ZNF407: variants seen among roughly 807,000 people sequenced by gnomAD.
ZNF407 encodes zinc finger protein 407.
Under a neutral mutation model 131.2 loss-of-function variants are expected in ZNF407, and 17 were observed. That is an observed-to-expected ratio of 0.13 (90% CI 0.09 to 0.19). The LOEUF (loss-of-function observed/expected upper bound fraction) is 0.19. Among genes scored for constraint, ZNF407 ranks in the 10% least tolerant of loss-of-function variants. The pLI, the probability that ZNF407 is intolerant of heterozygous loss-of-function variation, is 1.00. For synonymous variants in ZNF407, 1,156 were observed against 1,062.0 expected, an observed-to-expected ratio of 1.09 and a Z score of -1.72; for missense variants, 2,681 against 2,830.6, an observed-to-expected ratio of 0.95 and a Z score of 1.20.
intron 4 of ZNF407, among the ~76,000 whole-genome samples, chr18:74,784,635 A>G (rs1969670235): frequency 1.3e-5 from 2 of 152,244 alleles, no homozygotes; most frequent in Non-Finnish European, 2.9e-5. Context: ...CTTAAATTCA[A>G]ACAATTACAT....
intron 3 of ZNF407, among the ~76,000 whole-genome samples, chr18:74,641,350 C>T (rs890391022): frequency 6.6e-6 from 1 of 152,144 alleles, no homozygotes; most frequent in Non-Finnish European, 1.5e-5. Context: ...TCAATTTGAA[C>T]CTGTAATCTG....
intron 3 of ZNF407, among the ~76,000 whole-genome samples, chr18:74,719,869 C>T (rs1050326179): frequency 6.6e-6 from 1 of 152,130 alleles, no homozygotes; most frequent in African/African-American, 2.4e-5. Context: ...TACTCCATTG[C>T]GTATATTCAC....
chr18:74,699,146 A>G (rs1238893931), intron 3 of ZNF407, among the ~76,000 whole-genome samples: 1 of 152,122 alleles, frequency 6.6e-6, no homozygotes, highest in South Asian at 2.1e-4. Context: ...TCACATTTCA[A>G]ATATCTTTGG....
intron 3 of ZNF407, among the ~76,000 whole-genome samples, chr18:74,699,920 C>T (rs1277377554): frequency 1.3e-5 from 2 of 152,034 alleles, no homozygotes; most frequent in Admixed American, 1.3e-4. Flanking sequence ...ACATGTTTCT[C>T]TTAGTAAATT....
chr18:74,867,827 T>A (rs1304283657), intron 4 of ZNF407, among the ~76,000 whole-genome samples: 1 of 152,224 alleles, frequency 6.6e-6, no homozygotes, highest in African/African-American at 2.4e-5. Context: ...ACTCTGCATA[T>A]CAGTTTCCTG....
chr18:74,714,712 G>A (rs1414044609), intron 3 of ZNF407, among the ~76,000 whole-genome samples: 1 of 151,906 alleles, frequency 6.6e-6, no homozygotes, highest in Admixed American at 6.6e-5. Context: ...ATCATATGTG[G>A]GTTGAACAAT....
intron 7 of ZNF407, among the ~76,000 whole-genome samples, chr18:74,903,164 CATT>C (rs1262636417): frequency 6.6e-6 from 1 of 152,160 alleles, no homozygotes; most frequent in Non-Finnish European, 1.5e-5. Flanking sequence ...TTCCCTTAGA[CATT>C]ATTAGATTGT....
chr18:74,769,400 A>G (rs1344846068), intron 3 of ZNF407, among the ~76,000 whole-genome samples: 1 of 151,068 alleles, frequency 6.6e-6, no homozygotes, highest in Admixed American at 6.6e-5. Flanking sequence ...AGGGTTCTTT[A>G]CAGAGCTGTT....
At chr18:74,902,342 C>T (rs1421353248) in intron 7 of ZNF407, among the ~76,000 whole-genome samples, 9 of 152,128 alleles carry the variant, frequency 5.9e-5, no homozygotes, top group Admixed American at 1.3e-4. Flanking sequence ...ACTCGTGGTG[C>T]GAAACTACAC....
At position 75,064,003 on chromosome 18, in the gene ZNF407, C is replaced by T. The variant is rs370954987; in HGVS notation, c.6282C>T (p.Ala2094=). Residue 2094 remains alanine, a synonymous_variant, in exon 9 of 9, where the codon GCC becomes GCT. Coordinates refer to ENST00000299687, the MANE Select transcript of ZNF407 (RefSeq NM_017757.3). ...TTGCTGTGTGTGACACGGCCGCGGC[C>T]GGCCAGTTGGTCAAGGACGGTGTCA... ...LQFAVCDTAA[A]GQLVKDGVTQ... is the part of the protein sequence containing the mutation. 153 of 1,610,294 alleles carry T rather than the reference C, an allele frequency of 9.5e-5. No individual in the cohort carries two copies. The East Asian group carries it at 2.8e-3, about 29-fold the overall frequency.
chr18:74,864,848 T>C (rs1365423370), intron 4 of ZNF407, among the ~76,000 whole-genome samples: 1 of 152,190 alleles, frequency 6.6e-6, no homozygotes, highest in Non-Finnish European at 1.5e-5. Flanking sequence ...AGATAGGGCA[T>C]TAGAGAAAGC....
chr18:74,996,635 G>A (rs1972783886), intron 8 of ZNF407, among the ~76,000 whole-genome samples: 1 of 152,194 alleles, frequency 6.6e-6, no homozygotes, highest in Non-Finnish European at 1.5e-5. Context: ...AACTTCTGCT[G>A]ATGAAGAAAA....
At chr18:74,618,937 A>G (rs1983417644) in intron 1 of ZNF407, among the ~76,000 whole-genome samples, 1 of 152,164 alleles carries the variant, frequency 6.6e-6, no homozygotes, top group Non-Finnish European at 1.5e-5. Context: ...ATGTTAGCTT[A>G]TTGGCATATA....
At chr18:74,740,879 T>C (rs927973845) in intron 3 of ZNF407, among the ~76,000 whole-genome samples, 1 of 152,174 alleles carries the variant, frequency 6.6e-6, no homozygotes, top group Admixed American at 6.6e-5. Context: ...AATCAAATGA[T>C]GTCTCTTTTG....
At chr18:74,879,338 G>T (rs909179945) in intron 5 of ZNF407, among the ~76,000 whole-genome samples, 5 of 151,980 alleles carry the variant, frequency 3.3e-5, no homozygotes, top group African/African-American at 1.2e-4. Context: ...ACTCCCACTA[G>T]CACACACCAC....
chr18:74,632,251 C>A lies in ZNF407; in HGVS notation c.1232C>A (p.Thr411Asn). The change falls in exon 2 of 9, where the codon ACC (threonine) becomes AAC (asparagine). Residue 411 changes from threonine to asparagine, a missense_variant. By Grantham distance (65) the Thr-to-Asn change is moderately conservative. Around this residue, in one of 6 missense-constraint regions of ZNF407, gnomAD observed 1,789 missense variants for 1,748.7 expected, o/e 1.02. Coordinates refer to ENST00000299687, the MANE Select transcript of ZNF407 (RefSeq NM_017757.3). ...TLQAAHGNSV[T>N]SRPRPERNIL... Reference sequence around the variant, plus strand: ...CAGGCAGCACACGGTAACAGTGTAACCTCGAGGCCAAGACCTGAGCGAAAT... The same window carrying A: ...CAGGCAGCACACGGTAACAGTGTAAACTCGAGGCCAAGACCTGAGCGAAAT... 6.2e-7 allele frequency: 1 copy of A among 1,613,918 alleles called. No individual in the cohort carries two copies. The highest frequency in any genetic ancestry group is 8.5e-7 in the Non-Finnish European group (1 of 1,179,882).
chr18:74,738,585 A>G (rs1045121615), intron 3 of ZNF407, among the ~76,000 whole-genome samples: 2 of 151,742 alleles, frequency 1.3e-5, no homozygotes, highest in African/African-American at 4.8e-5. Context: ...TTGAAATACA[A>G]AAACTTAGCT....
intron 8 of ZNF407, among the ~76,000 whole-genome samples, chr18:74,990,971 A>C (rs1213928508): frequency 6.6e-6 from 1 of 151,892 alleles, no homozygotes; most frequent in Non-Finnish European, 1.5e-5. Flanking sequence ...GGGGGTGCTG[A>C]GCTGCCATTC....
At chr18:74,969,519 T>G (rs1972447584) in intron 8 of ZNF407, among the ~76,000 whole-genome samples, 1 of 152,232 alleles carries the variant, frequency 6.6e-6, no homozygotes, top group African/African-American at 2.4e-5. Flanking sequence ...TTGTTTGATC[T>G]GAGGCTGCTG....
Sources: allele counts gnomAD v4.1 joint callset (sites outside exome capture counted in the v4.1 genomes callset), GRCh38; gene constraint gnomAD v4.1.1; regional missense constraint gnomAD v4.1.1; transcripts MANE v1.5; gene names NCBI Gene and HGNC (gene_info 2026-07-23, HGNC 2026-07-21).